The following FLYWCH1 variants were observed in gnomAD, a reference collection of about 807,000 sequenced individuals.
FLYWCH1 encodes the protein FLYWCH-type zinc finger-containing protein 1.
In FLYWCH1, 75 loss-of-function variants were observed where a neutral mutation model predicts 66.4. The observed-to-expected ratio is 1.13, with a 90% CI of 0.94 to 1.37. FLYWCH1 has a LOEUF of 1.37. FLYWCH1 is among the 40% of genes most tolerant of loss of function. The pLI, the probability that FLYWCH1 is intolerant of heterozygous loss-of-function variation, is 0.00. For missense variants in FLYWCH1, 1,334 were observed against 1,001.8 expected (o/e 1.33, Z -4.48); for synonymous variants, 595 against 429.9 (o/e 1.38, Z -4.75).
At chr16:2,947,119 C>G (rs1448626561) in intron 9 of FLYWCH1, among the ~76,000 whole-genome samples, 2 of 152,164 alleles carry the variant, frequency 1.3e-5, no homozygotes, top group Non-Finnish European at 1.5e-5. Flanking sequence ...GAAATACAGT[C>G]TATTTATACG....
intron 9 of FLYWCH1, among the ~76,000 whole-genome samples, chr16:2,946,574 C>A (rs902861451): frequency 2.0e-5 from 3 of 152,060 alleles, no homozygotes; most frequent in African/African-American, 7.2e-5. Context: ...CCACCTGCCT[C>A]AGCCTCCCAA....
chr16:2,920,999 G>A (rs377201156), intron 2 of FLYWCH1, among the ~76,000 whole-genome samples: 4 of 151,804 alleles, frequency 2.6e-5, no homozygotes, highest in East Asian at 1.9e-4. Flanking sequence ...CCGCCACCAC[G>A]CCCAGTTAAT....
chr16:2,929,133 G>A (rs920301890), intron 2 of FLYWCH1, among the ~76,000 whole-genome samples: 1 of 152,202 alleles, frequency 6.6e-6, no homozygotes, highest in Non-Finnish European at 1.5e-5. Flanking sequence ...TTCCAAAAAG[G>A]TCCTGACAAG....
chr16:2,941,912 G>A (rs9935735), intron 9 of FLYWCH1, among the ~76,000 whole-genome samples: 38,446 of 143,472 alleles, frequency 0.27, 6,172 homozygotes, highest in East Asian at 0.44. Context: ...CAGGAGAATT[G>A]CTTGAACCCA....
chr16:2,916,752 C>T (rs775814769), intron 2 of FLYWCH1, among the ~76,000 whole-genome samples: 18 of 152,150 alleles, frequency 1.2e-4, no homozygotes, highest in Non-Finnish European at 4.4e-5. Flanking sequence ...TCAGATTTTA[C>T]CTGTAGTACT....
intron 2 of FLYWCH1, among the ~76,000 whole-genome samples, chr16:2,926,757 G>T (rs1476153991): frequency 6.6e-6 from 1 of 152,148 alleles, no homozygotes; most frequent in African/African-American, 2.4e-5. Context: ...TGGCCATAAA[G>T]CCATGTTGAC....
rs370316946 is a variant in FLYWCH1 at position 2,937,339 on chromosome 16, C to T, written c.1732C>T (p.Arg578Trp). ...GGACCTGGGCGGCCTGGAGGCCCTG[C>T]GGCAGCGGGAGCACTTCCCCAACCT... is the stretch of plus-strand genomic sequence containing the variant. ...PPDLGGLEAL[R>W]QREHFPNLAQ... Residue 578 changes from arginine to tryptophan, a missense_variant, in exon 7 of 10, where the codon CGG (arginine) becomes TGG (tryptophan). By Grantham distance (101) the Arg-to-Trp change is moderately radical (BLOSUM62 -3). Transcript: ENST00000253928. The T allele has an allele frequency of 4.7e-5, 75 of 1,595,518 alleles. No individual in the cohort carries two copies. Among genetic ancestry groups the T allele is most frequent in the Middle Eastern group, 2.0e-4 (1 of 5,034 alleles).
At chr16:2,942,505 CAAAG>C (rs1299660983) in intron 9 of FLYWCH1, among the ~76,000 whole-genome samples, 1 of 152,010 alleles carries the variant, frequency 6.6e-6, no homozygotes, top group Non-Finnish European at 1.5e-5. Flanking sequence ...AAAGGAATCA[CAAAG>C]AGAAAACTAC....
At chr16:2,927,789 A>T (rs1006193215) in intron 2 of FLYWCH1, among the ~76,000 whole-genome samples, 1 of 152,184 alleles carries the variant, frequency 6.6e-6, no homozygotes, top group South Asian at 2.1e-4. Context: ...TCAGGTGGAG[A>T]TGAGACTGAT....
intron 9 of FLYWCH1, among the ~76,000 whole-genome samples, chr16:2,942,920 A>T (rs145776351): frequency 8.2e-4 from 124 of 151,426 alleles, no homozygotes; most frequent in African/African-American, 2.9e-3. Context: ...TAGGCTGGTC[A>T]CGAACTCCCG....
intron 6 of FLYWCH1, chr16:2,936,861 C>T (rs1289718123): frequency 4.7e-6 from 3 of 637,306 alleles, no homozygotes; most frequent in Non-Finnish European, 8.7e-6. Flanking sequence ...ACACTGCCTC[C>T]CTGAAGGCAT....
chr16:2,946,117 C>G (rs2071476526), intron 9 of FLYWCH1, among the ~76,000 whole-genome samples: 1 of 152,018 alleles, frequency 6.6e-6, no homozygotes, highest in South Asian at 2.1e-4. Flanking sequence ...GTTTAAACAT[C>G]AAGTTACAGT....
At position 2,938,348 on chromosome 16, in the gene FLYWCH1, C is replaced by T. The variant is rs763360567; in HGVS notation, c.1942C>T (p.His648Tyr). 1.9e-6 allele frequency: 3 copies of T among 1,602,588 alleles called. No individual in the cohort carries two copies. In the East Asian group the frequency reaches 6.7e-5, roughly 36 times the overall value. Residue 648 changes from histidine (H) to tyrosine (Y), a missense_variant, in exon 8 of 10, where the codon CAC (histidine) becomes TAC (tyrosine). By Grantham distance (83) the His-to-Tyr change is moderately conservative. Transcript: ENST00000253928. The stretch of plus-strand genomic sequence containing the variant: ...CCGCAGCCGCGCCATAACCCAGGGC[C>T]ACCGCATCATGGTCATGCGCAGCCA... ...GCRSRAITQGHRIMVMRSHCH... is the reference protein window; with the variant it reads ...GCRSRAITQGYRIMVMRSHCH...
intron 6 of FLYWCH1, chr16:2,934,622 C>A: frequency 2.2e-6 from 1 of 456,892 alleles, no homozygotes; most frequent in Non-Finnish European, 4.4e-6. Flanking sequence ...AAGGCGCTGG[C>A]CTCTCTTTCC....
At chr16:2,923,979 T>C (rs865929569) in intron 2 of FLYWCH1, among the ~76,000 whole-genome samples, 35 of 151,992 alleles carry the variant, frequency 2.3e-4, no homozygotes, top group Admixed American at 5.9e-4. Flanking sequence ...GGAGGTTGCA[T>C]TGAGCTGAGA....
chr16:2,932,233 T>C (rs1328565801), intron 4 of FLYWCH1, among the ~76,000 whole-genome samples: 1 of 140,186 alleles, frequency 7.1e-6, no homozygotes, highest in Non-Finnish European at 1.5e-5. Flanking sequence ...ATCGAGCCAT[T>C]GTACTCCAGC....
At chr16:2,920,226 A>G (rs2070321250) in intron 2 of FLYWCH1, among the ~76,000 whole-genome samples, 1 of 152,108 alleles carries the variant, frequency 6.6e-6, no homozygotes, top group Non-Finnish European at 1.5e-5. Flanking sequence ...AAACCCAAGA[A>G]CAAGAAGCTT....
At position 2,914,158 on chromosome 16, in the gene FLYWCH1, A is replaced by G. The variant is rs889020805; in HGVS notation, c.-187-18A>G. The G allele has an allele frequency of 6.6e-6, 1 of 152,214 alleles. No homozygotes were observed. The highest frequency in any genetic ancestry group is 1.5e-5 in the Non-Finnish European group (1 of 68,048). The allele number at this position is 152,214 out of a possible 1,614,324, so 9.4% of individuals were successfully genotyped here. A position where few individuals can be genotyped will look rare whatever the true frequency, so the allele number is the denominator to read the frequency against. On this transcript the variant is annotated intron_variant, in intron 1 of 9. Transcript: ENST00000253928. ...TTTCACCTGCAGTATTTCATTTGCC[A>G]CTTTACTTTCTTCACAGGTGAAACC...
At chr16:2,932,981 G>A in intron 4 of FLYWCH1, 149 bp from the exon 5 acceptor site, 1 of 678,136 alleles carries the variant, frequency 1.5e-6, no homozygotes, top group Non-Finnish European at 2.4e-6. Flanking sequence ...AATGGGTTTG[G>A]GGCCTCTGAC....
Sources: allele counts gnomAD v4.1 joint callset (sites outside exome capture counted in the v4.1 genomes callset), GRCh38; gene constraint gnomAD v4.1.1; transcripts MANE v1.5; gene names NCBI Gene and HGNC (gene_info 2026-07-23, HGNC 2026-07-21).